The following TRIM13 variants were observed in gnomAD, a reference collection of about 807,000 sequenced individuals.
TRIM13 encodes the protein E3 ubiquitin-protein ligase TRIM13.
A neutral mutation model predicts 27.1 loss-of-function variants in TRIM13; 15 were observed. The ratio of observed to expected loss-of-function variants is 0.55; its 90% CI spans 0.37 to 0.85. The LOEUF (loss-of-function observed/expected upper bound fraction) is 0.85. TRIM13 is among the 40% of genes least tolerant of loss of function. TRIM13 has a pLI of 0.00. For synonymous variants in TRIM13, 193 were observed against 171.5 expected (o/e 1.13, Z -0.98); for missense variants, 402 against 472.2 (o/e 0.85, Z 1.38).
chr13:50,000,515 A>T (rs1873895894), intron 1 of TRIM13, among the ~76,000 whole-genome samples: 1 of 152,340 alleles, frequency 6.6e-6, no homozygotes, highest in Non-Finnish European at 1.5e-5. Context: ...TAAATGAGCA[A>T]TAAGAAAGCA....
chr13:50,011,114 C>A (rs1473168193), intron 1 of TRIM13, among the ~76,000 whole-genome samples: 1 of 152,146 alleles, frequency 6.6e-6, no homozygotes, highest in Non-Finnish European at 1.5e-5. Flanking sequence ...TTGCTCGATC[C>A]CTCCTAAGGC....
rs1157678442 is a variant in TRIM13 at position 50,016,050 on chromosome 13, C to G, written c.*2886C>G. The G allele has an allele frequency of 6.2e-7, 1 of 1,613,144 alleles. No individual in the cohort carries two copies. The highest frequency in any genetic ancestry group is 8.5e-7 in the Non-Finnish European group (1 of 1,179,140). ...TTCCAGTGTGGTTCTGACAGCACTA[C>G]TGATAACCAAACTGGAGTCAGGTAT... On this transcript the variant is annotated 3_prime_UTR_variant, in exon 2 of 2. Transcript: ENST00000378182.
At chr13:50,005,676 A>T (rs1874597650) in intron 1 of TRIM13, among the ~76,000 whole-genome samples, 1 of 147,236 alleles carries the variant, frequency 6.8e-6, no homozygotes, top group South Asian at 2.1e-4. Context: ...CTCCATCTCT[A>T]AAAAAAAAAG....
chr13:50,000,413 CTT>C (rs763315945), intron 1 of TRIM13, among the ~76,000 whole-genome samples: 1 of 152,172 alleles, frequency 6.6e-6, no homozygotes, highest in Non-Finnish European at 1.5e-5. Flanking sequence ...TGGAGCAAGA[CTT>C]TTCTCTATAA....
chr13:50,009,325 A>C (rs559512468), intron 1 of TRIM13, among the ~76,000 whole-genome samples: 38 of 152,256 alleles, frequency 2.5e-4, no homozygotes, highest in African/African-American at 8.4e-4. Context: ...TAAACGAAGA[A>C]GGCTGGGTGT....
chr13:50,016,307 G>A lies in TRIM13; in HGVS notation c.*3143G>A. Reference sequence around the variant, plus strand: ...AAAAGGAATAAATGAAGACTGCCCAGAAAAAACTGAGACTATGGACATTCA... The same window carrying A: ...AAAAGGAATAAATGAAGACTGCCCAAAAAAAACTGAGACTATGGACATTCA... On this transcript the variant is annotated 3_prime_UTR_variant, in exon 2 of 2. Transcript: ENST00000378182. The A allele has an allele frequency of 2.3e-6, 1 of 429,928 alleles. No individual in the cohort carries two copies. Among genetic ancestry groups the A allele is most frequent in the Non-Finnish European group, 4.3e-6 (1 of 233,360 alleles). 26.6% of individuals were successfully genotyped at this position (429,928 alleles called of 1,614,324 possible).
intron 1 of TRIM13, among the ~76,000 whole-genome samples, chr13:50,001,678 T>A (rs1874062176): frequency 6.6e-6 from 1 of 152,208 alleles, no homozygotes; most frequent in African/African-American, 2.4e-5. Context: ...ATACTATATG[T>A]AATATATTAA....
Position 50,016,067 on chromosome 13 carries a change from G to A in TRIM13, c.*2903G>A. The stretch of plus-strand genomic sequence containing the variant: ...CAGCACTACTGATAACCAAACTGGA[G>A]TCAGGTATTTTGTACTTTGCAGTAT... On this transcript the variant is annotated 3_prime_UTR_variant, in exon 2 of 2. Coordinates refer to ENST00000378182, the MANE Select transcript of TRIM13 (RefSeq NM_213590.3). 1 of 1,611,606 alleles carries A rather than the reference G, an allele frequency of 6.2e-7. No homozygotes were observed. Among genetic ancestry groups the A allele is most frequent in the Non-Finnish European group, 8.5e-7 (1 of 1,177,854 alleles).
At position 50,004,233 on chromosome 13, in the gene TRIM13, C is replaced by T. The variant is rs193196229; in HGVS notation, c.-7+6470C>T. 1.7e-3 allele frequency among the ~76,000 whole-genome samples: 251 copies of T among 152,026 alleles called. 3 individuals are homozygous for T. Among genetic ancestry groups the T allele is most frequent in the African/African-American group, 5.7e-3 (237 of 41,484 alleles). On this transcript the variant is annotated intron_variant, in intron 1 of 1. Coordinates refer to ENST00000378182, the MANE Select transcript of TRIM13 (RefSeq NM_213590.3). ...ATCAGCACTTTGGGAGGCTGAGTCC[C>T]GACTGCTTGAGCTCAGGAGTTTGAG...
intron 1 of TRIM13, among the ~76,000 whole-genome samples, chr13:50,002,493 T>G (rs1213278048): frequency 1.3e-5 from 2 of 152,200 alleles, no homozygotes; most frequent in East Asian, 3.8e-4. Context: ...TCAATATGGT[T>G]TTTTAATAAT....
At chr13:50,000,092 T>C (rs919778385) in intron 1 of TRIM13, among the ~76,000 whole-genome samples, 1 of 152,182 alleles carries the variant, frequency 6.6e-6, no homozygotes, top group Admixed American at 6.5e-5. Context: ...CCTATACATA[T>C]ATATTGGTAA....
chr13:50,012,367 G>C lies in TRIM13; in HGVS notation c.427G>C (p.Glu143Gln). Reference protein sequence around the residue: ...DAYAQERDAFESLFQSFETWR... With the variant: ...DAYAQERDAFQSLFQSFETWR... ...CTATGCTCAGGAAAGGGATGCCTTT[G>C]AGTCCCTCTTCCAGAGCTTTGAGAC... The change falls in exon 2 of 2, where the codon GAG (glutamate) becomes CAG (glutamine). Residue 143 changes from glutamate to glutamine, a missense_variant. By Grantham distance (29) the Glu-to-Gln change is conservative. This residue lies in a region of TRIM13 where 202 missense variants were observed against 277.5 expected (regional missense o/e 0.73). Transcript: ENST00000378182. 6.2e-7 allele frequency: 1 copy of C among 1,614,158 alleles called. No individual in the cohort carries two copies. The highest frequency in any genetic ancestry group is 8.5e-7 in the Non-Finnish European group (1 of 1,180,006).
At chr13:50,011,298 A>G (rs561543227) in intron 1 of TRIM13, among the ~76,000 whole-genome samples, 5 of 152,346 alleles carry the variant, frequency 3.3e-5, no homozygotes, top group Admixed American at 2.0e-4. Context: ...ATGATTCTAG[A>G]TAATACAAAA....
In TRIM13 at chr13:50,017,933, C is replaced by G. The variant is rs1246788045; in HGVS notation, c.*4769C>G. On this transcript the variant is annotated 3_prime_UTR_variant, in exon 2 of 2. Coordinates refer to ENST00000378182, the MANE Select transcript of TRIM13 (RefSeq NM_213590.3). ...CAGTTTGTTCTATCAATATGATTTA[C>G]CCCTCAAGGTTAACCTAGCAGGTTG... The G allele has an allele frequency of 6.0e-6, 1 of 167,004 alleles. No homozygotes were observed. Among genetic ancestry groups the G allele is most frequent in the African/African-American group, 2.4e-5 (1 of 41,442 alleles). 10.3% of individuals were successfully genotyped at this position (167,004 alleles called of 1,614,324 possible).
At chr13:49,999,780 G>GT (rs1354965341) in intron 1 of TRIM13, among the ~76,000 whole-genome samples, 1 of 152,148 alleles carries the variant, frequency 6.6e-6, no homozygotes, top group Non-Finnish European at 1.5e-5. Flanking sequence ...GTTAAACCTA[G>GT]TTTGTAAAAA....
At chr13:50,007,971 C>G (rs1555323909) in intron 1 of TRIM13, among the ~76,000 whole-genome samples, 8 of 151,024 alleles carry the variant, frequency 5.3e-5, no homozygotes, top group Non-Finnish European at 1.2e-4. Flanking sequence ...GTGGCGCTGT[C>G]TCGGCTAACT....
rs1876550578 is a variant in TRIM13, at chr13:50,016,235, A to AAACTGGG, written c.*3073_*3079dup. ...TAGAATGACCAAATAATTATTTTCC[A>AAACTGGG]AACTGGGATACTTTTTAGAGTGAAA... On this transcript the variant is annotated 3_prime_UTR_variant, in exon 2 of 2. Coordinates refer to ENST00000378182, the MANE Select transcript of TRIM13 (RefSeq NM_213590.3). 8.4e-6 allele frequency: 5 copies of AAACTGGG among 598,752 alleles called. No individual in the cohort carries two copies. In the South Asian group the frequency reaches 1.2e-4, roughly 14 times the overall value. The allele number at this position is 598,752 out of a possible 1,614,324, so 37.1% of individuals were successfully genotyped here.
chr13:50,004,091 T>TTAA (rs1160088509), intron 1 of TRIM13, among the ~76,000 whole-genome samples: 1 of 152,248 alleles, frequency 6.6e-6, no homozygotes, highest in African/African-American at 2.4e-5. Context: ...GTGCTTAATC[T>TTAA]GACTTTAAGT....
At chr13:50,000,068 A>T (rs1873834236) in intron 1 of TRIM13, among the ~76,000 whole-genome samples, 1 of 152,124 alleles carries the variant, frequency 6.6e-6, no homozygotes. Context: ...CATAACTTTT[A>T]TTACCATTTA....
Sources: gnomAD v4.1 joint callset for allele counts (sites outside exome capture counted in the v4.1 genomes callset) on GRCh38, gnomAD v4.1.1 for gene constraint, gnomAD v4.1.1 regional missense constraint, MANE v1.5 for transcripts, NCBI Gene and HGNC (gene_info 2026-07-23, HGNC 2026-07-21) for gene names.